The following DOCK3 variants were observed in gnomAD, a reference collection of about 807,000 sequenced individuals.
The protein encoded by DOCK3 is dedicator of cytokinesis 3.
DOCK3 carries 60 observed loss-of-function variants against 265.6 expected under a neutral mutation model. The ratio of observed to expected loss-of-function variants is 0.23; its 90% CI spans 0.18 to 0.28. The LOEUF (loss-of-function observed/expected upper bound fraction) is 0.28, where lower values mean the gene tolerates loss of function less well. Among genes scored for constraint, DOCK3 ranks in the 10% least tolerant of loss-of-function variants. DOCK3 has a pLI of 1.00. For missense variants in DOCK3, 1,981 were observed against 2,594.3 expected (o/e 0.76, Z 5.14); for synonymous variants, 881 against 938.0 (o/e 0.94, Z 1.11).
chr3:50,948,203 A>T (rs2108292391), intron 5 of DOCK3, among the ~76,000 whole-genome samples: 1 of 150,218 alleles, frequency 6.7e-6, no homozygotes, highest in African/African-American at 2.4e-5. Context: ...ACTACAGGCG[A>T]CCACCACTGC....
intron 27 of DOCK3, among the ~76,000 whole-genome samples, chr3:51,303,434 G>T (rs186703790): frequency 6.6e-6 from 1 of 152,292 alleles, no homozygotes; most frequent in African/African-American, 2.4e-5. Flanking sequence ...CTCAGCCTCT[G>T]CCCAGTTCTT....
At chr3:51,200,566 G>A (rs1008090112) in intron 12 of DOCK3, among the ~76,000 whole-genome samples, 2 of 151,714 alleles carry the variant, frequency 1.3e-5, no homozygotes, top group South Asian at 2.1e-4. Context: ...TGAAAGTGAC[G>A]GGGAGAATGG....
chr3:50,904,518 A>G (rs1046655618), intron 4 of DOCK3, among the ~76,000 whole-genome samples: 1 of 152,152 alleles, frequency 6.6e-6, no homozygotes, highest in Non-Finnish European at 1.5e-5. Flanking sequence ...GACCAGTGAC[A>G]ACGAATATTT....
chr3:51,225,415 C>T (rs1419858067), intron 14 of DOCK3, among the ~76,000 whole-genome samples: 1 of 152,060 alleles, frequency 6.6e-6, no homozygotes, highest in Non-Finnish European at 1.5e-5. Context: ...GATTCTCCAC[C>T]CTTGACAAGG....
At chr3:51,366,598 T>C (rs1002821608) in intron 49 of DOCK3, among the ~76,000 whole-genome samples, 3 of 152,232 alleles carry the variant, frequency 2.0e-5, no homozygotes, top group Non-Finnish European at 4.4e-5. Context: ...CAATTTTAGA[T>C]CTTTCCTGCT....
chr3:51,089,357 C>A, intron 8 of DOCK3, 73 bp downstream of exon 8: 3 of 1,515,682 alleles, frequency 2.0e-6, no homozygotes, highest in African/African-American at 1.4e-5. Context: ...CATATGAATA[C>A]ACCAGGAAAT....
At chr3:51,227,939 G>T in intron 16 of DOCK3, 43 bp from the exon 17 acceptor site, 2 of 1,587,168 alleles carry the variant, frequency 1.3e-6, no homozygotes, top group South Asian at 2.2e-5. Context: ...TGAGGAAGCA[G>T]AGTGGAAGGC....
intron 4 of DOCK3, among the ~76,000 whole-genome samples, chr3:50,927,938 A>G (rs1230664114): frequency 6.6e-6 from 1 of 151,628 alleles, no homozygotes; most frequent in South Asian, 2.1e-4. Context: ...GAGTTTTTCC[A>G]CCTCTCTCCC....
intron 2 of DOCK3, among the ~76,000 whole-genome samples, chr3:50,822,611 T>C (rs2044509522): frequency 6.6e-6 from 1 of 152,086 alleles, no homozygotes; most frequent in Non-Finnish European, 1.5e-5. Context: ...ATCCTCCCAT[T>C]TCAGTCTCCT....
At chr3:50,925,766 G>A (rs2050721551) in intron 4 of DOCK3, among the ~76,000 whole-genome samples, 1 of 150,846 alleles carries the variant, frequency 6.6e-6, no homozygotes, top group Admixed American at 6.6e-5. Context: ...ATGGCGGTAG[G>A]TAAAACTGTT....
chr3:50,975,848 A>G (rs1488684497), intron 5 of DOCK3, among the ~76,000 whole-genome samples: 2 of 150,870 alleles, frequency 1.3e-5, no homozygotes, highest in Non-Finnish European at 3.0e-5. Flanking sequence ...CAGAGATTCA[A>G]CTTCTTCCTG....
At chr3:51,363,875 C>T (rs1489639598) in intron 49 of DOCK3, among the ~76,000 whole-genome samples, 118 of 152,320 alleles carry the variant, frequency 7.7e-4, no homozygotes, top group Non-Finnish European at 4.3e-4. Flanking sequence ...TTTTCTTAAT[C>T]CAGTCTGTCA....
chr3:50,973,341 A>G (rs1173928027), intron 5 of DOCK3, among the ~76,000 whole-genome samples: 4 of 116,536 alleles, frequency 3.4e-5, no homozygotes, highest in Non-Finnish European at 6.8e-5. Flanking sequence ...TCCTGTGTCC[A>G]TGTGATCTCA....
intron 12 of DOCK3, among the ~76,000 whole-genome samples, chr3:51,165,804 A>G (rs1452609272): frequency 6.6e-6 from 1 of 152,094 alleles, no homozygotes; most frequent in Non-Finnish European, 1.5e-5. Context: ...ATAATCTGTT[A>G]TATGTATAAT....
At chr3:51,260,632 CT>C (rs1477634791) in intron 23 of DOCK3, among the ~76,000 whole-genome samples, 1 of 152,064 alleles carries the variant, frequency 6.6e-6, no homozygotes, top group East Asian at 1.9e-4. Context: ...TTATGAACAC[CT>C]TATTCATAGG....
chr3:50,818,073 CTGAGCAAAACCTAGGTTCCTGAACCT>C (rs1263168460), intron 2 of DOCK3, among the ~76,000 whole-genome samples: 1 of 152,218 alleles, frequency 6.6e-6, no homozygotes, highest in Non-Finnish European at 1.5e-5. Context: ...ATCCCTGATA[CTGAGCAAAACCTAGGTTCCTGAACCT>C]TGAGCCTGCC....
Position 51,016,939 on chromosome 3 carries a change from ATGT to A in DOCK3, c.316-47507_316-47505del, listed in dbSNP as rs2079363650. ...ATAAATATATTAATATATACAATAT[ATGT>A]TATATATAATATATATATTATATAT... is the stretch of plus-strand genomic sequence containing the variant. On this transcript the variant is annotated intron_variant, in intron 5 of 52. Coordinates refer to ENST00000266037, the MANE Select transcript of DOCK3 (RefSeq NM_004947.5). 7.9e-5 allele frequency among the ~76,000 whole-genome samples: 5 copies of A among 63,524 alleles called. 1 individual carries two copies. Among genetic ancestry groups the A allele is most frequent in the African/African-American group, 3.0e-4 (4 of 13,262 alleles). 41.7% of individuals were successfully genotyped at this position (63,524 alleles called of 152,430 possible).
chr3:50,861,757 C>CTTTTT (rs1416468590), intron 3 of DOCK3, among the ~76,000 whole-genome samples: 1 of 128,108 alleles, frequency 7.8e-6, no homozygotes, highest in African/African-American at 2.9e-5. Flanking sequence ...CCTGCTCTCT[C>CTTTTT]TTTTTTTTTT....
intron 21 of DOCK3, among the ~76,000 whole-genome samples, chr3:51,245,637 C>T (rs548192165): frequency 6.6e-6 from 1 of 152,032 alleles, no homozygotes; most frequent in East Asian, 2.0e-4. Context: ...GTGATCCACC[C>T]GCCTCAGCCT....
Sources: allele counts gnomAD v4.1 joint callset (sites outside exome capture counted in the v4.1 genomes callset), GRCh38; gene constraint gnomAD v4.1.1; transcripts MANE v1.5; gene names NCBI Gene and HGNC (gene_info 2026-07-23, HGNC 2026-07-21).